The following DNAH14 variants were observed in gnomAD, a reference collection of about 807,000 sequenced individuals.
The protein encoded by DNAH14 is axonemal beta dynein heavy chain 14.
In DNAH14, 478 loss-of-function variants were observed where a neutral mutation model predicts 520.9. The ratio of observed to expected loss-of-function variants is 0.92; its 90% CI spans 0.85 to 0.99. The LOEUF (loss-of-function observed/expected upper bound fraction) is 0.99. DNAH14 is among the 50% of genes least tolerant of loss of function. The pLI, the probability that DNAH14 is intolerant of heterozygous loss-of-function variation, is 0.00. For missense variants in DNAH14, 4,831 were observed against 5,234.5 expected, an observed-to-expected ratio of 0.92 and a Z score of 2.38; for synonymous variants, 1,581 against 1,757.2, an observed-to-expected ratio of 0.90 and a Z score of 2.51.
chr1:225,197,592 T>G (rs949598178), intron 38 of DNAH14, among the ~76,000 whole-genome samples: 4 of 152,172 alleles, frequency 2.6e-5, no homozygotes, highest in Non-Finnish European at 4.4e-5. Context: ...ATAGTGGTAT[T>G]TTGACGGAAA....
chr1:225,184,773 A>G (rs1210288889), intron 36 of DNAH14, among the ~76,000 whole-genome samples: 2 of 152,044 alleles, frequency 1.3e-5, no homozygotes, highest in Admixed American at 1.3e-4. Flanking sequence ...GAGAGAAAGA[A>G]AGAAAGAAAG....
In DNAH14 at chr1:225,072,023, G is replaced by C. The variant is rs1324347816; in HGVS notation, c.2425-7184G>C. Among the ~76,000 whole-genome samples, 3 of 152,212 alleles carry C rather than the reference G, an allele frequency of 2.0e-5. No individual in the cohort carries two copies. In the East Asian group the frequency reaches 5.8e-4, roughly 29 times the overall value. On this transcript the variant is annotated intron_variant, in intron 17 of 85. Transcript: ENST00000682510. ...CTTGAAGAATCTGATGATGTGTCTT[G>C]GGGATGATCTTCTCGTGGATCTTAC...
In DNAH14 at chr1:225,100,887, A is replaced by G; in HGVS notation, c.3867+3A>G. The G allele has an allele frequency of 6.7e-7, 1 of 1,494,940 alleles. No individual in the cohort carries two copies. The highest frequency in any genetic ancestry group is 1.4e-5 in the African/African-American group (1 of 69,612). 92.6% of individuals were successfully genotyped at this position (1,494,940 alleles called of 1,614,324 possible). A position where few individuals can be genotyped will look rare whatever the true frequency, so the allele number is the denominator to read the frequency against. On this transcript the variant is annotated splice_donor_region_variant and intron_variant, in intron 23 of 85. Transcript: ENST00000682510. ...AACATATAAAGAAAAGCCTTGAGGT[A>G]AAACTATAGCAATTCTAAAGCAGTG... is the stretch of plus-strand genomic sequence containing the variant.
chr1:225,253,511 C>A (rs550256780), intron 44 of DNAH14, among the ~76,000 whole-genome samples: 4 of 151,842 alleles, frequency 2.6e-5, no homozygotes, highest in African/African-American at 9.7e-5. Context: ...CATGGTAAAC[C>A]GCAATATGAT....
At chr1:225,017,187 A>G (rs2065280335) in intron 10 of DNAH14, among the ~76,000 whole-genome samples, 1 of 152,146 alleles carries the variant, frequency 6.6e-6, no homozygotes, top group Non-Finnish European at 1.5e-5. Context: ...ATTAGTATAT[A>G]CTTCCTTGTT....
At chr1:225,125,947 A>G (rs997066867) in intron 27 of DNAH14, among the ~76,000 whole-genome samples, 1 of 152,174 alleles carries the variant, frequency 6.6e-6, no homozygotes, top group Non-Finnish European at 1.5e-5. Flanking sequence ...TAAATTCAAC[A>G]TTATTGTGTC....
chr1:224,986,052 G>C (rs1199917516), intron 8 of DNAH14, among the ~76,000 whole-genome samples: 1 of 151,756 alleles, frequency 6.6e-6, no homozygotes, highest in Non-Finnish European at 1.5e-5. Context: ...AGTACAAGAA[G>C]GTTATAGAAC....
intron 82 of DNAH14, among the ~76,000 whole-genome samples, chr1:225,388,796 G>A (rs764925856): frequency 3.4e-4 from 52 of 150,756 alleles, no homozygotes; most frequent in Non-Finnish European, 5.2e-4. Flanking sequence ...TTTTTTTTGA[G>A]CCAAGAGTCT....
intron 11 of DNAH14, among the ~76,000 whole-genome samples, chr1:225,028,725 G>C (rs2066317083): frequency 6.6e-6 from 1 of 151,950 alleles, no homozygotes; most frequent in Non-Finnish European, 1.5e-5. Flanking sequence ...AGACATTAAA[G>C]AAATACAAAT....
chr1:225,053,845 C>T (rs2068782038), intron 17 of DNAH14, among the ~76,000 whole-genome samples: 1 of 152,120 alleles, frequency 6.6e-6, no homozygotes, highest in Admixed American at 6.5e-5. Flanking sequence ...AAGAAAGTGT[C>T]TACACTGGAA....
chr1:225,137,322 G>A (rs971780169), intron 27 of DNAH14, among the ~76,000 whole-genome samples: 5 of 151,872 alleles, frequency 3.3e-5, no homozygotes, highest in African/African-American at 1.2e-4. Flanking sequence ...TTTTTGTGGG[G>A]TCTTTTTTTG....
chr1:225,183,820 A>G (rs2084349701), intron 36 of DNAH14, among the ~76,000 whole-genome samples: 1 of 152,154 alleles, frequency 6.6e-6, no homozygotes, highest in Non-Finnish European at 1.5e-5. Flanking sequence ...TAGAAAATCT[A>G]GAGGAAATGG....
rs750093798 is a variant in DNAH14 at position 225,374,917 on chromosome 1, C to T, written c.12516+32C>T. 90 of 1,471,794 alleles carry T rather than the reference C, an allele frequency of 6.1e-5. No homozygotes were observed. The Middle Eastern group carries it at 1.9e-3, about 32-fold the overall frequency. 91.2% of individuals were successfully genotyped at this position (1,471,794 alleles called of 1,614,324 possible). A position where few individuals can be genotyped will look rare whatever the true frequency, so the allele number is the denominator to read the frequency against. The stretch of plus-strand genomic sequence containing the variant: ...AAAGAATCAATCTTCTTGCATTTCT[C>T]GATAATTTTAAAGTAAACATTGTTG... On this transcript the variant is annotated intron_variant, in intron 78 of 85. Coordinates refer to ENST00000682510, the MANE Select transcript of DNAH14 (RefSeq NM_001367479.1).
chr1:225,218,916 A>C (rs2089738967), intron 41 of DNAH14, among the ~76,000 whole-genome samples: 1 of 152,132 alleles, frequency 6.6e-6, no homozygotes, highest in African/African-American at 2.4e-5. Context: ...GAAGTAATGC[A>C]CTCCTCAGCA....
rs1366452915 is a variant in DNAH14, at chr1:225,264,207, C to G, written c.7168C>G (p.Gln2390Glu). 1.5e-5 allele frequency: 23 copies of G among 1,549,634 alleles called. No individual in the cohort carries two copies. The highest frequency in any genetic ancestry group is 1.4e-5 in the Non-Finnish European group (16 of 1,145,620). ...SEIKKSSSLK[Q>E]NITILIPETH... ...AATATTTCATTCCAGTAGCCTAAAACAGAATATCACCATCTTGATTCCTGA... is the reference window on the plus strand; with the variant it reads ...AATATTTCATTCCAGTAGCCTAAAAGAGAATATCACCATCTTGATTCCTGA... The change falls in exon 47 of 86, where the codon CAG (glutamine) becomes GAG (glutamate). Residue 2390 changes from glutamine to glutamate, a missense_variant. Transcript: ENST00000682510.
rs769722636 is a variant in DNAH14, at chr1:225,023,791, A to G, written c.1284A>G (p.Thr428=). 24 of 1,550,216 alleles carry G rather than the reference A, an allele frequency of 1.5e-5. No individual in the cohort carries two copies. Among genetic ancestry groups the G allele is most frequent in the Non-Finnish European group, 2.0e-5 (23 of 1,146,330 alleles). ...GTCAACTTATGAACACTGCAGTCACACTACTTTTGGAATTATTTAATGGTT... is the reference window on the plus strand; with the variant it reads ...GTCAACTTATGAACACTGCAGTCACGCTACTTTTGGAATTATTTAATGGTT... ...LIRQLMNTAV[T]LLLELFNGSA... is the part of the protein sequence containing the mutation. Residue 428 remains threonine (T), a synonymous_variant, in exon 11 of 86, where the codon ACA becomes ACG. Transcript: ENST00000682510.
chr1:225,059,137 C>T (rs1000064288), intron 17 of DNAH14, among the ~76,000 whole-genome samples: 2 of 152,104 alleles, frequency 1.3e-5, no homozygotes, highest in Non-Finnish European at 2.9e-5. Flanking sequence ...GTTAAAGTCT[C>T]CCATTATTAT....
At position 225,265,326 on chromosome 1, in the gene DNAH14, T is replaced by A. The variant is rs1558200867; in HGVS notation, c.7367T>A (p.Ile2456Lys). The change falls in exon 48 of 86, where the codon ATA becomes AAA. Residue 2456 changes from isoleucine (I) to lysine (K), a missense_variant. By Grantham distance (102) the Ile-to-Lys change is moderately radical. Coordinates refer to ENST00000682510, the MANE Select transcript of DNAH14 (RefSeq NM_001367479.1). ...AAGGAGATGATTCTTAAGAAGTTAA[T>A]AAGAAGAACTAAAGATACTCTTGGA... ...KTKEMILKKL[I>K]RRTKDTLGAP... 1.9e-5 allele frequency: 30 copies of A among 1,541,430 alleles called. No homozygotes were observed. Among genetic ancestry groups the A allele is most frequent in the Non-Finnish European group, 2.6e-5 (30 of 1,144,338 alleles).
At chr1:225,022,547 G>A (rs1380916850) in intron 10 of DNAH14, among the ~76,000 whole-genome samples, 1 of 152,080 alleles carries the variant, frequency 6.6e-6, no homozygotes, top group Non-Finnish European at 1.5e-5. Context: ...ACCAAAATGA[G>A]TTAACATCTT....
Sources: allele counts gnomAD v4.1 joint callset (sites outside exome capture counted in the v4.1 genomes callset), GRCh38; gene constraint gnomAD v4.1.1; transcripts MANE v1.5; gene names NCBI Gene and HGNC (gene_info 2026-07-23, HGNC 2026-07-21).